Variants in CADPS2 observed in about 807,000 individuals in gnomAD.
The protein encoded by CADPS2 is calcium-dependent secretion activator 2.
In CADPS2, 93 loss-of-function variants were observed where a neutral mutation model predicts 172.5. That is an observed-to-expected ratio of 0.54 (90% CI 0.46 to 0.64). The LOEUF is 0.64. Among genes scored for constraint, CADPS2 ranks in the 30% least tolerant of loss-of-function variants. The pLI is 0.00. For synonymous variants in CADPS2, 546 were observed against 555.2 expected, an observed-to-expected ratio of 0.98 and a Z score of 0.23; for missense variants, 1,420 against 1,565.9, an observed-to-expected ratio of 0.91 and a Z score of 1.57.
intron 2 of CADPS2, among the ~76,000 whole-genome samples, chr7:122,696,927 A>C (rs2085202133): frequency 6.6e-6 from 1 of 152,196 alleles, no homozygotes; most frequent in South Asian, 2.1e-4. Flanking sequence ...AGTGAACAAA[A>C]GAAACATGAC....
intron 1 of CADPS2, among the ~76,000 whole-genome samples, chr7:122,792,538 G>C (rs1410308751): frequency 6.6e-6 from 1 of 152,058 alleles, no homozygotes; most frequent in Non-Finnish European, 1.5e-5. Flanking sequence ...CCAGTTTATG[G>C]TATCTTGTTG....
intron 2 of CADPS2, among the ~76,000 whole-genome samples, chr7:122,707,597 A>T (rs2087789473): frequency 6.6e-6 from 1 of 151,974 alleles, no homozygotes; most frequent in Non-Finnish European, 1.5e-5. Flanking sequence ...AATTCAAAAA[A>T]CATTTATTTT....
intron 7 of CADPS2, among the ~76,000 whole-genome samples, chr7:122,569,033 C>T (rs938846246): frequency 7.2e-5 from 11 of 151,900 alleles, no homozygotes; most frequent in Non-Finnish European, 1.3e-4. Flanking sequence ...CTGGCCAGGG[C>T]AATTAGGCAG....
At chr7:122,819,249 T>C (rs1802415030) in intron 1 of CADPS2, among the ~76,000 whole-genome samples, 1 of 152,148 alleles carries the variant, frequency 6.6e-6, no homozygotes, top group Admixed American at 6.5e-5. Context: ...GGATTCCTCC[T>C]AAGCCACGTC....
intron 8 of CADPS2, among the ~76,000 whole-genome samples, chr7:122,543,312 T>C (rs1288329084): frequency 2.1e-4 from 32 of 152,172 alleles, no homozygotes; most frequent in Admixed American, 2.1e-3. Flanking sequence ...CTATGCTATT[T>C]GGTTAACAGC....
At chr7:122,547,731 TA>T (rs945933959) in intron 8 of CADPS2, among the ~76,000 whole-genome samples, 1 of 151,688 alleles carries the variant, frequency 6.6e-6, no homozygotes, top group African/African-American at 2.4e-5. Flanking sequence ...AATAAGAGCT[TA>T]AAAAAAAGAA....
intron 3 of CADPS2, among the ~76,000 whole-genome samples, chr7:122,645,654 CTAAGATATATATATATATATATATATA>C (rs1488853272): frequency 6.4e-5 from 2 of 31,016 alleles, no homozygotes; most frequent in African/African-American, 9.2e-5. Context: ...ACATATATCT[CTAAGATATATATATATATATATATATA>C]TCTTGGGATT....
At chr7:122,436,285 C>T in intron 17 of CADPS2, 1 of 881,520 alleles carries the variant, frequency 1.1e-6, no homozygotes, top group South Asian at 1.5e-5. Context: ...TCAATCATGT[C>T]TCAACAAAGT....
intron 6 of CADPS2, among the ~76,000 whole-genome samples, chr7:122,597,826 A>G (rs1306118297): frequency 6.6e-6 from 1 of 152,068 alleles, no homozygotes; most frequent in African/African-American, 2.4e-5. Flanking sequence ...TTTTGTTCCA[A>G]TTTACTCAGG....
chr7:122,640,795 T>C (rs2077552835), intron 3 of CADPS2, among the ~76,000 whole-genome samples: 1 of 151,918 alleles, frequency 6.6e-6, no homozygotes, highest in African/African-American at 2.4e-5. Flanking sequence ...TTAGCCGGAC[T>C]TGGCGGCGGG....
chr7:122,320,346 AAG>A lies in CADPS2; in HGVS notation c.3718-10_3718-9del. ...AAAGTCCCTGTAGGTTTTCTGAAGA[AAG>A]AAGATAAAATTTGCTTAGCTCACTT... On this transcript the variant is annotated splice_polypyrimidine_tract_variant and intron_variant, in intron 29 of 29. Transcript: ENST00000449022. The A allele has an allele frequency of 6.3e-7, 1 of 1,585,832 alleles. No individual in the cohort carries two copies. Among genetic ancestry groups the A allele is most frequent in the Middle Eastern group, 1.7e-4 (1 of 5,920 alleles).
At chr7:122,698,902 A>C in intron 2 of CADPS2, 1 of 1,588,170 alleles carries the variant, frequency 6.3e-7, no homozygotes, top group Non-Finnish European at 8.6e-7. Context: ...CCAAGTGCCA[A>C]CCTTGAGTAG....
chr7:122,410,308 C>A (rs1020657113), intron 19 of CADPS2, among the ~76,000 whole-genome samples: 1 of 152,044 alleles, frequency 6.6e-6, no homozygotes, highest in African/African-American at 2.4e-5. Context: ...CGCGCCACTG[C>A]ACTCCAGCCT....
At chr7:122,705,565 T>A (rs1336547338) in intron 2 of CADPS2, among the ~76,000 whole-genome samples, 4 of 104,696 alleles carry the variant, frequency 3.8e-5, no homozygotes, top group African/African-American at 1.5e-4. Flanking sequence ...TTATATTATA[T>A]ATTATCTATA....
intron 3 of CADPS2, among the ~76,000 whole-genome samples, chr7:122,637,823 T>C (rs1431079069): frequency 6.6e-6 from 1 of 152,238 alleles, no homozygotes; most frequent in Non-Finnish European, 1.5e-5. Context: ...AAGTTGAGTA[T>C]AGTCAGTTGG....
At chr7:122,715,577 G>T (rs1224327200) in intron 2 of CADPS2, among the ~76,000 whole-genome samples, 2 of 152,032 alleles carry the variant, frequency 1.3e-5, no homozygotes, top group African/African-American at 4.8e-5. Flanking sequence ...TTTGAATAAG[G>T]TCTGAAGCAT....
intron 28 of CADPS2, among the ~76,000 whole-genome samples, chr7:122,333,434 C>G (rs1334186635): frequency 1.3e-5 from 2 of 152,180 alleles, no homozygotes; most frequent in African/African-American, 4.8e-5. Flanking sequence ...CTTTCTGTCT[C>G]TGAGTCACGG....
intron 17 of CADPS2, chr7:122,424,357 T>C: frequency 3.0e-6 from 3 of 984,334 alleles, no homozygotes; most frequent in Non-Finnish European, 3.6e-6. Context: ...GTAAATTCAT[T>C]GTAAGCCTAT....
chr7:122,816,422 T>G (rs1801428712), intron 1 of CADPS2, among the ~76,000 whole-genome samples: 1 of 152,204 alleles, frequency 6.6e-6, no homozygotes. Context: ...TGTGCACATT[T>G]TCTTTATCCA....
Sources: gnomAD v4.1 joint callset for allele counts (sites outside exome capture counted in the v4.1 genomes callset) on GRCh38, gnomAD v4.1.1 for gene constraint, MANE v1.5 for transcripts, NCBI Gene and HGNC (gene_info 2026-07-23, HGNC 2026-07-21) for gene names.